Variants in MAX observed in about 807,000 individuals in gnomAD.
MAX encodes the protein protein max.
MAX carries 3 observed loss-of-function variants against 22.3 expected under a neutral mutation model. That is an observed-to-expected ratio of 0.13 (90% CI 0.06 to 0.35). The LOEUF (loss-of-function observed/expected upper bound fraction) is 0.35. MAX is among the 10% of genes least tolerant of loss of function. MAX has a pLI of 1.00. For synonymous variants in MAX, 72 were observed against 77.7 expected (o/e 0.93, Z 0.39); for missense variants, 119 against 209.4 (o/e 0.57, Z 2.66).
At position 65,094,949 on chromosome 14, in the gene MAX, TACAA is replaced by T. The variant is rs1413647442; in HGVS notation, c.64-1138_64-1135del. ...GGGAAGTTCAGGTAGCTTAAATCTA[TACAA>T]ACAGAGGGCCAGAAATTCAAAAAAT... On this transcript the variant is annotated intron_variant, in intron 2 of 4. Transcript: ENST00000358664. Among the ~76,000 whole-genome samples, 4 of 152,170 alleles carry T rather than the reference TACAA, an allele frequency of 2.6e-5. No individual in the cohort carries two copies. The East Asian group carries it at 5.8e-4, about 22-fold the overall frequency.
In MAX at chr14:65,038,979, C is replaced by G. The variant is rs59450659; in HGVS notation, c.172-32695G>C. ...TATAATATTTTATCTAAAGATACAA[C>G]TTTAAAAAGTTTTCTTTTGCTCCCT... On this transcript the variant is annotated intron_variant, in intron 3 of 3. Transcript: ENST00000341653. Among the ~76,000 whole-genome samples, 1,581 of 152,310 alleles carry G rather than the reference C, an allele frequency of 0.01. 38 individuals carry two copies. The East Asian group carries it at 0.11, about 11-fold the overall frequency.
chr14:65,022,801 ATTG>A (rs1284463361), intron 3 of MAX, among the ~76,000 whole-genome samples: 8 of 152,120 alleles, frequency 5.3e-5, no homozygotes, highest in Non-Finnish European at 1.2e-4. Context: ...AAGCATTTTT[ATTG>A]TTGTTCTTCA....
At position 65,027,356 on chromosome 14, in the gene MAX, T is replaced by C; in HGVS notation, c.172-21072A>G. On this transcript the variant is annotated intron_variant, in intron 3 of 3. Coordinates refer to the MAX transcript ENST00000341653. The surrounding 1 kb of genome is among the most constrained non-coding windows in gnomAD (Gnocchi z 5.7). ...AGGTTCCCCTCAACTTTTGAGGGAG[T>C]GGGGGATCATTGGAAAGGCCTGGAA... The C allele has an allele frequency of 6.4e-7, 1 of 1,551,446 alleles. No individual in the cohort carries two copies. Among genetic ancestry groups the C allele is most frequent in the Non-Finnish European group, 8.7e-7 (1 of 1,147,888 alleles).
At chr14:65,017,731 G>A (rs1335478892) in intron 3 of MAX, among the ~76,000 whole-genome samples, 1 of 152,108 alleles carries the variant, frequency 6.6e-6, no homozygotes, top group East Asian at 1.9e-4. Flanking sequence ...TGAGGTGGGT[G>A]GATCACTTGA....
intron 3 of MAX, among the ~76,000 whole-genome samples, chr14:65,063,841 G>A (rs886673102): frequency 8.5e-5 from 13 of 152,144 alleles, no homozygotes; most frequent in Non-Finnish European, 1.3e-4. Flanking sequence ...CTGAGATTAC[G>A]GGTGTGAGCC....
intron 3 of MAX, among the ~76,000 whole-genome samples, chr14:65,081,606 C>T (rs188689289): frequency 6.6e-5 from 10 of 152,356 alleles, no homozygotes. Context: ...GCTGAGTCAA[C>T]TGCCTATCTT....
In MAX at chr14:65,075,399, G is replaced by A; in HGVS notation, c.*1077C>T. ...GGGCTGGATCACACAATGGAGACAG[G>A]TTCCAGGACAGTAGGAAAGGAAGTG... is the stretch of plus-strand genomic sequence containing the variant. On this transcript the variant is annotated 3_prime_UTR_variant, in exon 5 of 5. Transcript: ENST00000358664. The surrounding 1 kb of genome is among the most constrained non-coding windows in gnomAD (Gnocchi z 4.1). 9.4e-7 allele frequency: 1 copy of A among 1,063,306 alleles called. No homozygotes were observed. Among genetic ancestry groups the A allele is most frequent in the Non-Finnish European group, 1.1e-6 (1 of 877,712 alleles). The allele number at this position is 1,063,306 out of a possible 1,614,324, so 65.9% of individuals were successfully genotyped here.
chr14:65,058,037 G>C (rs1308313196), intron 3 of MAX, among the ~76,000 whole-genome samples: 1 of 151,918 alleles, frequency 6.6e-6, no homozygotes, highest in Non-Finnish European at 1.5e-5. Context: ...TGAATTGTAG[G>C]ATCAGCCTGT....
chr14:65,044,556 G>A lies in MAX; in HGVS notation c.172-38272C>T. On this transcript the variant is annotated intron_variant, in intron 3 of 3. Transcript: ENST00000341653. The surrounding 1 kb of genome is among the most constrained non-coding windows in gnomAD (Gnocchi z 5.5). ...GGTTGAAATGAGCTCTGTCTATCCTGGATTTTGAGTGCCCAGTGTGGAACC... is the reference window on the plus strand; with the variant it reads ...GGTTGAAATGAGCTCTGTCTATCCTAGATTTTGAGTGCCCAGTGTGGAACC... 6.8e-7 allele frequency: 1 copy of A among 1,461,772 alleles called. No individual in the cohort carries two copies. The highest frequency in any genetic ancestry group is 9.1e-7 in the Non-Finnish European group (1 of 1,104,656). The allele number at this position is 1,461,772 out of a possible 1,614,324, so 90.6% of individuals were successfully genotyped here.
At position 65,012,672 on chromosome 14, in the gene MAX, T is replaced by C. The variant is rs1441308466; in HGVS notation, c.172-6388A>G. On this transcript the variant is annotated intron_variant, in intron 3 of 3. Coordinates refer to the MAX transcript ENST00000341653. This position sits in a 1 kb window ranked among gnomAD's most constrained non-coding sequence, Gnocchi z 5.0. ...GTTCACGTGCTTTATCTAGACCTCC[T>C]TGACAGCTGGCTAAATGCCAGTTAC... is the stretch of plus-strand genomic sequence containing the variant. 6.6e-6 allele frequency among the ~76,000 whole-genome samples: 1 copy of C among 152,234 alleles called. No individual in the cohort carries two copies. Among genetic ancestry groups the C allele is most frequent in the Non-Finnish European group, 1.5e-5 (1 of 68,038 alleles).
intron 3 of MAX, among the ~76,000 whole-genome samples, chr14:65,010,453 T>C (rs1333614854): frequency 1.3e-5 from 2 of 152,212 alleles, no homozygotes; most frequent in African/African-American, 2.4e-5. Flanking sequence ...CCCAGCATCC[T>C]AAGACCCACA....
At chr14:65,052,353 G>A (rs2062635410) in intron 3 of MAX, among the ~76,000 whole-genome samples, 2 of 152,146 alleles carry the variant, frequency 1.3e-5, no homozygotes, top group Non-Finnish European at 2.9e-5. Flanking sequence ...GCTTTCAGGT[G>A]CCATTTACCA....
At chr14:65,081,586 C>A (rs771140427) in intron 3 of MAX, among the ~76,000 whole-genome samples, 1 of 152,192 alleles carries the variant, frequency 6.6e-6, no homozygotes, top group Admixed American at 6.5e-5. Flanking sequence ...CTGAAAATTG[C>A]TCTAAGTCAG....
chr14:65,096,530 C>A (rs543319570), intron 2 of MAX, among the ~76,000 whole-genome samples: 30 of 152,102 alleles, frequency 2.0e-4, no homozygotes, highest in Non-Finnish European at 5.9e-5. Flanking sequence ...ACACTGCCCG[C>A]GCCTCATCCC....
intron 3 of MAX, among the ~76,000 whole-genome samples, chr14:65,051,455 A>G (rs1357233140): frequency 6.6e-6 from 1 of 152,054 alleles, no homozygotes; most frequent in Non-Finnish European, 1.5e-5. Context: ...TACTAAAAAT[A>G]CAAGAATTAG....
chr14:65,032,779 G>C lies in MAX; in HGVS notation c.172-26495C>G. The C allele has an allele frequency of 7.3e-7, 1 of 1,368,062 alleles. No individual in the cohort carries two copies. Among genetic ancestry groups the C allele is most frequent in the Admixed American group, 2.4e-5 (1 of 41,630 alleles). The allele number at this position is 1,368,062 out of a possible 1,614,324, so 84.7% of individuals were successfully genotyped here. A position where few individuals can be genotyped will look rare whatever the true frequency, so the allele number is the denominator to read the frequency against. On this transcript the variant is annotated intron_variant, in intron 3 of 3. Transcript: ENST00000341653. This position sits in a 1 kb window ranked among gnomAD's most constrained non-coding sequence, Gnocchi z 5.0. Reference sequence around the variant, plus strand: ...TTCAGAAAAATAAAGAAAATGCAGAGGGACTTGGAAGGAAATACAAAAATC... The same window carrying C: ...TTCAGAAAAATAAAGAAAATGCAGACGGACTTGGAAGGAAATACAAAAATC...
At position 65,049,411 on chromosome 14, in the gene MAX, C is replaced by T. The variant is rs139746871; in HGVS notation, c.172-43127G>A. On this transcript the variant is annotated intron_variant, in intron 3 of 3. Coordinates refer to the MAX transcript ENST00000341653. ...GAAATGCAAAATGAGATTAGAATGG[C>T]GACCTATAATTTCAGGAAGAGGTAG... is the stretch of plus-strand genomic sequence containing the variant. Among the ~76,000 whole-genome samples, 534 of 152,164 alleles carry T rather than the reference C, an allele frequency of 3.5e-3. 1 individual carries two copies. The highest frequency in any genetic ancestry group is 0.012 in the African/African-American group (488 of 41,506).
chr14:65,020,913 A>C (rs2061874661), intron 3 of MAX, among the ~76,000 whole-genome samples: 2 of 151,194 alleles, frequency 1.3e-5, no homozygotes, highest in African/African-American at 2.4e-5. Flanking sequence ...TGTATTTTGT[A>C]AAGACAGGCT....
intron 3 of MAX, chr14:65,015,410 CT>C (rs888923691): frequency 0.25 from 38,248 of 155,366 alleles, 3,190 homozygotes; most frequent in Non-Finnish European, 0.27. Flanking sequence ...GCCTTGTTAT[CT>C]TTTTTTTTTT....
Sources: gnomAD v4.1 joint callset for allele counts (sites outside exome capture counted in the v4.1 genomes callset) on GRCh38, gnomAD v4.1.1 for gene constraint, Gnocchi (gnomAD v3.1) non-coding constraint, MANE v1.5 for transcripts, NCBI Gene and HGNC (gene_info 2026-07-23, HGNC 2026-07-21) for gene names.